Variants in RBFOX1 observed in about 807,000 individuals in gnomAD.
RBFOX1 encodes RNA binding fox-1 homolog 1.
A neutral mutation model predicts 57.7 loss-of-function variants in RBFOX1; 8 were observed. That is an observed-to-expected ratio of 0.14 (90% CI 0.08 to 0.25). The LOEUF is 0.25. Ranked by LOEUF, RBFOX1 falls within the 10% of genes least tolerant of loss-of-function variation. RBFOX1 has a pLI of 1.00. For synonymous variants in RBFOX1, 326 were observed against 222.4 expected, an observed-to-expected ratio of 1.47 and a Z score of -4.15; for missense variants, 611 against 548.5, an observed-to-expected ratio of 1.11 and a Z score of -1.14.
intron 3 of RBFOX1, among the ~76,000 whole-genome samples, chr16:7,046,237 G>GGTGTGTGTGT (rs34943266): frequency 0.037 from 5,373 of 146,642 alleles, 184 homozygotes; most frequent in East Asian, 0.15. Context: ...TAGGTAAAGG[G>GGTGTGTGTGT]GTGTGTGTGT....
At chr16:6,981,079 G>T (rs1229678512) in intron 3 of RBFOX1, among the ~76,000 whole-genome samples, 4 of 130,620 alleles carry the variant, frequency 3.1e-5, no homozygotes, top group Admixed American at 2.2e-4. Context: ...ATTCAGGAGT[G>T]GTGAGATCCA....
chr16:6,866,586 G>T (rs1167201137), intron 3 of RBFOX1, among the ~76,000 whole-genome samples: 11 of 116,666 alleles, frequency 9.4e-5, no homozygotes, highest in East Asian at 2.9e-4. Flanking sequence ...CTGTCCCCCA[G>T]GCTGGAGTGC....
chr16:5,683,601 C>A (rs1311645312), intron 3 of RBFOX1, among the ~76,000 whole-genome samples: 1 of 151,920 alleles, frequency 6.6e-6, no homozygotes, highest in Non-Finnish European at 1.5e-5. Context: ...ATGCTGGATG[C>A]CTCCTGCCCT....
intron 3 of RBFOX1, among the ~76,000 whole-genome samples, chr16:6,840,731 AC>A (rs1288467823): frequency 1.4e-4 from 21 of 151,892 alleles, no homozygotes; most frequent in Non-Finnish European, 4.4e-5. Flanking sequence ...TACTACAAAT[AC>A]AAAAATTAGA....
intron 1 of RBFOX1, among the ~76,000 whole-genome samples, chr16:6,238,642 A>G (rs192020483): frequency 2.0e-5 from 3 of 152,142 alleles, no homozygotes; most frequent in Admixed American, 2.0e-4. Flanking sequence ...ATTTGGCCGC[A>G]CTCCACACCA....
chr16:5,866,060 G>A (rs967421737), intron 3 of RBFOX1, among the ~76,000 whole-genome samples: 14 of 151,996 alleles, frequency 9.2e-5, no homozygotes, highest in Non-Finnish European at 1.3e-4. Flanking sequence ...CTCTGCCTCC[G>A]CGGTTCAAGG....
chr16:6,964,099 A>C (rs1598521707), intron 3 of RBFOX1, among the ~76,000 whole-genome samples: 1 of 151,406 alleles, frequency 6.6e-6, no homozygotes, highest in Admixed American at 6.6e-5. Context: ...GCTCACTGCA[A>C]CCTCCGCCTC....
At chr16:7,253,483 A>G (rs991429673) in intron 4 of RBFOX1, among the ~76,000 whole-genome samples, 2 of 152,112 alleles carry the variant, frequency 1.3e-5, no homozygotes, top group African/African-American at 4.8e-5. Context: ...TCCTCTGCCT[A>G]TCTATACATC....
chr16:5,789,061 C>G (rs7205478), intron 3 of RBFOX1, among the ~76,000 whole-genome samples: 9,642 of 152,160 alleles, frequency 0.063, 967 homozygotes, highest in African/African-American at 0.22. Flanking sequence ...GTCCTGGAGT[C>G]CTTGTGCACA....
intron 3 of RBFOX1, among the ~76,000 whole-genome samples, chr16:6,815,107 C>A (rs7205424): frequency 0.46 from 69,560 of 151,842 alleles, 16,418 homozygotes; most frequent in Non-Finnish European, 0.51. Context: ...TCCCCATTTC[C>A]GACCATATAG....
At chr16:7,231,451 A>G (rs1450362477) in intron 4 of RBFOX1, among the ~76,000 whole-genome samples, 1 of 152,200 alleles carries the variant, frequency 6.6e-6, no homozygotes, top group East Asian at 1.9e-4. Flanking sequence ...CAGCTCATTT[A>G]TCATCCTAAC....
chr16:6,537,859 A>G (rs1002186925), intron 2 of RBFOX1, among the ~76,000 whole-genome samples: 1 of 152,058 alleles, frequency 6.6e-6, no homozygotes, highest in African/African-American at 2.4e-5. Flanking sequence ...AGAAAAATAT[A>G]TTTAAATTGA....
intron 3 of RBFOX1, among the ~76,000 whole-genome samples, chr16:6,920,211 G>C (rs1038381822): frequency 6.6e-6 from 1 of 151,814 alleles, no homozygotes; most frequent in Non-Finnish European, 1.5e-5. Flanking sequence ...CCTTATTTTT[G>C]CAATTGCAAA....
At chr16:7,025,046 G>A (rs1020870362) in intron 3 of RBFOX1, among the ~76,000 whole-genome samples, 1 of 152,090 alleles carries the variant, frequency 6.6e-6, no homozygotes, top group African/African-American at 2.4e-5. Flanking sequence ...CAGATCTCCC[G>A]CAAGACAAGA....
At chr16:7,153,284 G>T (rs977577698) in intron 4 of RBFOX1, among the ~76,000 whole-genome samples, 12 of 152,170 alleles carry the variant, frequency 7.9e-5, no homozygotes, top group African/African-American at 2.9e-4. Context: ...AGAATCTCCT[G>T]AACTTTTTCA....
chr16:7,283,370 A>G lies in RBFOX1; in HGVS notation c.27+231272A>G, dbSNP rs1344097704. ...CCTGACAGGGAGAAGATCTCATTGA[A>G]CCAGCATGGATCAGTGTCCACCATG... On this transcript the variant is annotated intron_variant, in intron 4 of 15. Transcript: ENST00000550418. Among the ~76,000 whole-genome samples the G allele has an allele frequency of 2.0e-5, 3 of 151,966 alleles. No individual in the cohort carries two copies. The East Asian group carries it at 5.9e-4, about 30-fold the overall frequency.
At chr16:6,069,791 A>G (rs1430036662) in intron 1 of RBFOX1, among the ~76,000 whole-genome samples, 1 of 152,144 alleles carries the variant, frequency 6.6e-6, no homozygotes, top group Non-Finnish European at 1.5e-5. Context: ...GTTTGAGACC[A>G]GCCTGGCCAA....
chr16:7,291,850 G>A (rs534055548), intron 4 of RBFOX1, among the ~76,000 whole-genome samples: 24 of 147,950 alleles, frequency 1.6e-4, no homozygotes, highest in Admixed American at 6.9e-5. Context: ...TGTGTAAAGA[G>A]TATCATAGCC....
rs1193515384 is a variant in RBFOX1, at chr16:5,744,948, T to A, written c.319-122355T>A. 4.7e-5 allele frequency among the ~76,000 whole-genome samples: 7 copies of A among 148,072 alleles called. 1 individual carries two copies. The highest frequency in any genetic ancestry group is 4.7e-4 in the Admixed American group (7 of 14,968). On this transcript the variant is annotated intron_variant, in intron 3 of 19. Coordinates refer to the RBFOX1 transcript ENST00000641259. Reference sequence around the variant, plus strand: ...CTGCCACGCCTGGCTAATTTTTGTATTTTTTTTTATTATACTTTTAGTTCT... The same window carrying A: ...CTGCCACGCCTGGCTAATTTTTGTAATTTTTTTTATTATACTTTTAGTTCT...
Sources: allele counts gnomAD v4.1 joint callset (sites outside exome capture counted in the v4.1 genomes callset), GRCh38; gene constraint gnomAD v4.1.1; transcripts MANE v1.5; gene names NCBI Gene and HGNC (gene_info 2026-07-23, HGNC 2026-07-21).